The following SMCHD1 variants were observed in gnomAD, a reference collection of about 807,000 sequenced individuals.
The protein encoded by SMCHD1 is structural maintenance of chromosomes flexible hinge domain containing 1.
SMCHD1 carries 78 observed loss-of-function variants against 254.7 expected under a neutral mutation model. The ratio of observed to expected loss-of-function variants is 0.31; its 90% CI spans 0.26 to 0.37. The LOEUF is 0.37. Ranked by LOEUF, SMCHD1 falls within the 10% of genes least tolerant of loss-of-function variation. SMCHD1 has a pLI of 1.00. For synonymous variants in SMCHD1, 766 were observed against 794.9 expected (o/e 0.96, Z 0.61); for missense variants, 1,840 against 2,408.1 (o/e 0.76, Z 4.94).
At chr18:2,690,646 CTTTTTTTT>C (rs71365194) in intron 7 of SMCHD1, among the ~76,000 whole-genome samples, 34 of 133,604 alleles carry the variant, frequency 2.5e-4, no homozygotes, top group African/African-American at 9.1e-4. Context: ...TAATTTTTTT[CTTTTTTTT>C]TTTTTTTTTA....
chr18:2,656,805 G>A (rs951564866), intron 1 of SMCHD1, among the ~76,000 whole-genome samples: 3 of 152,160 alleles, frequency 2.0e-5, no homozygotes, highest in African/African-American at 7.2e-5. Context: ...CGGCGGGGGG[G>A]ATCCTTCCGC....
At chr18:2,671,503 A>C (rs1298357772) in intron 3 of SMCHD1, among the ~76,000 whole-genome samples, 2 of 137,522 alleles carry the variant, frequency 1.5e-5, no homozygotes, top group Non-Finnish European at 3.0e-5. Context: ...TTTACAGTAC[A>C]TTCCCGGGTC....
chr18:2,780,531 G>A (rs978284252), intron 44 of SMCHD1, among the ~76,000 whole-genome samples: 4 of 152,066 alleles, frequency 2.6e-5, no homozygotes, highest in African/African-American at 7.2e-5. Flanking sequence ...GTTTGGAGAC[G>A]GTGAGAAGCT....
chr18:2,756,681 C>CACCT, intron 34 of SMCHD1, among the ~76,000 whole-genome samples: 1 of 152,150 alleles, frequency 6.6e-6, no homozygotes, highest in African/African-American at 2.4e-5. Flanking sequence ...CTGCAACCTC[C>CACCT]ACCTCCCTGT....
intron 47 of SMCHD1, among the ~76,000 whole-genome samples, chr18:2,799,185 ATAT>A (rs541698420): frequency 1.1e-3 from 170 of 152,328 alleles, no homozygotes; most frequent in African/African-American, 3.7e-3. Flanking sequence ...TTAATAATAG[ATAT>A]TATTGAACCC....
chr18:2,711,531 G>C (rs2074671495), intron 17 of SMCHD1, among the ~76,000 whole-genome samples: 1 of 133,254 alleles, frequency 7.5e-6, no homozygotes, highest in Non-Finnish European at 1.5e-5. Context: ...CGCCCAGGCT[G>C]GAGTGCAGTG....
intron 39 of SMCHD1, among the ~76,000 whole-genome samples, chr18:2,770,823 G>T (rs1340345620): frequency 6.6e-6 from 1 of 152,046 alleles, no homozygotes; most frequent in African/African-American, 2.4e-5. Context: ...GTTTCACCAT[G>T]TTGGCCGGGC....
rs10708453 is a variant in SMCHD1 at position 2,762,492 on chromosome 18, C to CTT, written c.4566+274_4566+275dup. Among the ~76,000 whole-genome samples, 446 of 126,798 alleles carry CTT rather than the reference C, an allele frequency of 3.5e-3. 3 individuals are homozygous for CTT. The highest frequency in any genetic ancestry group is 4.3e-3 in the Non-Finnish European group (257 of 59,984). The allele number at this position is 126,798 out of a possible 152,430, so 83.2% of individuals were successfully genotyped here. A position where few individuals can be genotyped will look rare whatever the true frequency, so the allele number is the denominator to read the frequency against. On this transcript the variant is annotated intron_variant, in intron 36 of 47. Coordinates refer to ENST00000320876, the MANE Select transcript of SMCHD1 (RefSeq NM_015295.3). ...AATGCAGAAATCTCAATCTGCCTACCTTTTTTTTTTTTTTTTTTTGAGACA... is the reference window on the plus strand; with the variant it reads ...AATGCAGAAATCTCAATCTGCCTACCTTTTTTTTTTTTTTTTTTTTTGAGACA...
chr18:2,759,169 G>A (rs2075735620), intron 34 of SMCHD1, among the ~76,000 whole-genome samples: 1 of 151,984 alleles, frequency 6.6e-6, no homozygotes. Flanking sequence ...TTCTAGTATT[G>A]TTGTACTAGA....
At chr18:2,684,833 TTAAG>T (rs2074005416) in intron 5 of SMCHD1, among the ~76,000 whole-genome samples, 2 of 152,040 alleles carry the variant, frequency 1.3e-5, no homozygotes, top group Admixed American at 6.6e-5. Flanking sequence ...ACAGTCTGTA[TTAAG>T]TAATACTAAA....
At chr18:2,678,403 C>T (rs942355355) in intron 5 of SMCHD1, among the ~76,000 whole-genome samples, 1 of 151,522 alleles carries the variant, frequency 6.6e-6, no homozygotes, top group Non-Finnish European at 1.5e-5. Context: ...TGGGTTCCAG[C>T]GATTCTCCTG....
At chr18:2,711,181 A>T (rs1443497089) in intron 17 of SMCHD1, among the ~76,000 whole-genome samples, 1 of 151,664 alleles carries the variant, frequency 6.6e-6, no homozygotes, top group Non-Finnish European at 1.5e-5. Context: ...AGAGTTTTTT[A>T]AAAATATTGA....
Position 2,718,114 on chromosome 18 carries a change from T to C in SMCHD1, c.2261-44T>C, listed in dbSNP as rs746096832. ...GACATTGCGTATTTCATGTTTTACG[T>C]TGAATTTCTCAAGACACTATTGTTT... On this transcript the variant is annotated intron_variant, in intron 17 of 47. Transcript: ENST00000320876. The surrounding 1 kb of genome is among the most constrained non-coding windows in gnomAD (Gnocchi z 4.6). 4.7e-6 allele frequency: 7 copies of C among 1,474,278 alleles called. No homozygotes were observed. The highest frequency in any genetic ancestry group is 2.4e-5 in the South Asian group (2 of 83,920). The allele number at this position is 1,474,278 out of a possible 1,614,324, so 91.3% of individuals were successfully genotyped here.
chr18:2,780,073 T>C (rs763890267), intron 44 of SMCHD1, among the ~76,000 whole-genome samples: 24 of 151,898 alleles, frequency 1.6e-4, no homozygotes, highest in Non-Finnish European at 2.8e-4. Context: ...ATCCCGTCTC[T>C]ACTAAAAATA....
intron 47 of SMCHD1, among the ~76,000 whole-genome samples, chr18:2,797,894 G>A (rs917280058): frequency 2.6e-5 from 4 of 151,962 alleles, no homozygotes; most frequent in Admixed American, 1.3e-4. Context: ...TCCAGTCCGG[G>A]CAACAAGAGC....
intron 37 of SMCHD1, among the ~76,000 whole-genome samples, chr18:2,765,760 T>C (rs886092224): frequency 6.6e-6 from 1 of 152,206 alleles, no homozygotes; most frequent in African/African-American, 2.4e-5. Flanking sequence ...GACATGTGTA[T>C]TTACCACTTA....
Position 2,769,983 on chromosome 18 carries a change from T to C in SMCHD1, c.4847-6T>C, listed in dbSNP as rs2075948148. ...TTATTTAAATTATCTCAATTTTTTT[T>C]CTTAGATGTTAAGAAGCAGCAACAA... is the stretch of plus-strand genomic sequence containing the variant. On this transcript the variant is annotated splice_region_variant and splice_polypyrimidine_tract_variant and intron_variant, in intron 38 of 47. Coordinates refer to ENST00000320876, the MANE Select transcript of SMCHD1 (RefSeq NM_015295.3). 6.3e-7 allele frequency: 1 copy of C among 1,575,908 alleles called. No homozygotes were observed. Among genetic ancestry groups the C allele is most frequent in the Non-Finnish European group, 8.6e-7 (1 of 1,168,900 alleles).
intron 5 of SMCHD1, among the ~76,000 whole-genome samples, chr18:2,679,509 G>T (rs1333771940): frequency 3.3e-5 from 3 of 90,768 alleles, no homozygotes; most frequent in South Asian, 4.0e-4. Context: ...AGGAACTCTT[G>T]GTTGACAGTC....
At chr18:2,796,577 C>A in intron 47 of SMCHD1, 56 bp downstream of exon 47, 2 of 1,122,252 alleles carry the variant, frequency 1.8e-6, no homozygotes, top group South Asian at 1.3e-5. Flanking sequence ...GTTCTTGGGT[C>A]TCATGATAGC....
Sources: gnomAD v4.1 joint callset for allele counts (sites outside exome capture counted in the v4.1 genomes callset) on GRCh38, gnomAD v4.1.1 for gene constraint, Gnocchi (gnomAD v3.1) non-coding constraint, MANE v1.5 for transcripts, NCBI Gene and HGNC (gene_info 2026-07-23, HGNC 2026-07-21) for gene names.